Variants in CCDC73 observed in about 807,000 individuals in gnomAD.
The protein encoded by CCDC73 is coiled-coil domain containing 73.
CCDC73 carries 95 observed loss-of-function variants against 116.5 expected under a neutral mutation model. The observed-to-expected ratio is 0.82, with a 90% confidence interval of 0.69 to 0.97. The LOEUF is 0.97. Among genes scored for constraint, CCDC73 ranks in the 50% least tolerant of loss-of-function variants. The pLI is 0.00. For synonymous variants in CCDC73, 398 were observed against 401.3 expected, an observed-to-expected ratio of 0.99 and a Z score of 0.10; for missense variants, 1,066 against 1,206.8, an observed-to-expected ratio of 0.88 and a Z score of 1.73.
the CCDC73 span, among the ~76,000 whole-genome samples, chr11:32,821,978 C>T: frequency 5.3e-5 from 8 of 152,112 alleles, no homozygotes; most frequent in Non-Finnish European, 1.2e-4. Flanking sequence ...TCAGGAAACC[C>T]GAAATGTTTC....
chr11:32,614,963 T>C, intron 15 of CCDC73, 21 bp from the exon 16 acceptor site: 1 of 1,441,482 alleles, frequency 6.9e-7, no homozygotes, highest in Non-Finnish European at 9.4e-7. Context: ...GGGAACACAG[T>C]AAAATTTTAT....
the CCDC73 span, among the ~76,000 whole-genome samples, chr11:32,807,879 G>A: frequency 4.6e-5 from 7 of 152,132 alleles, no homozygotes; most frequent in African/African-American, 1.2e-4. Context: ...CACCCTGACC[G>A]AGCATAATCA....
chr11:32,634,492 C>T (rs1855660778), intron 14 of CCDC73, among the ~76,000 whole-genome samples: 1 of 151,984 alleles, frequency 6.6e-6, no homozygotes, highest in African/African-American at 2.4e-5. Flanking sequence ...CTCAGCAAAC[C>T]AGATATGAAA....
chr11:32,676,197 A>G (rs1373813768), intron 7 of CCDC73, among the ~76,000 whole-genome samples, 176 bp from the exon 8 acceptor site: 1 of 152,214 alleles, frequency 6.6e-6, no homozygotes, highest in Admixed American at 6.5e-5. Flanking sequence ...GTTAGGAGAT[A>G]TTTCTAAATC....
At chr11:32,636,900 C>G (rs1040008110) in intron 13 of CCDC73, among the ~76,000 whole-genome samples, 4 of 151,878 alleles carry the variant, frequency 2.6e-5, no homozygotes, top group Non-Finnish European at 5.9e-5. Context: ...TCTTCCTATT[C>G]TCAATCTCTC....
chr11:32,635,405 T>C (rs1855668465), intron 14 of CCDC73, among the ~76,000 whole-genome samples: 1 of 152,112 alleles, frequency 6.6e-6, no homozygotes, highest in African/African-American at 2.4e-5. Context: ...AATAGACCCA[T>C]ATATATTTGA....
chr11:32,806,642 A>AAG, the CCDC73 span, among the ~76,000 whole-genome samples: 6 of 151,536 alleles, frequency 4.0e-5, no homozygotes, highest in Admixed American at 2.0e-4. Flanking sequence ...AAAAAAAAAA[A>AAG]AAAGAAAGAA....
At chr11:32,670,987 AG>A (rs1856032978) in intron 9 of CCDC73, among the ~76,000 whole-genome samples, 1 of 152,218 alleles carries the variant, frequency 6.6e-6, no homozygotes, top group Non-Finnish European at 1.5e-5. Flanking sequence ...CCTCAGGAAA[AG>A]ATCTTCCACT....
chr11:32,711,637 A>G (rs1313599021), intron 3 of CCDC73, among the ~76,000 whole-genome samples: 1 of 152,212 alleles, frequency 6.6e-6, no homozygotes, highest in Non-Finnish European at 1.5e-5. Context: ...GGTGAGGGAT[A>G]AAAGAATACA....
chr11:32,652,692 T>C (rs1855837020), intron 12 of CCDC73, among the ~76,000 whole-genome samples: 1 of 152,184 alleles, frequency 6.6e-6, no homozygotes, highest in African/African-American at 2.4e-5. Context: ...GTGTTTGTTG[T>C]GGTAACAGCG....
At chr11:32,688,193 C>A (rs558773184) in intron 6 of CCDC73, among the ~76,000 whole-genome samples, 1 of 152,140 alleles carries the variant, frequency 6.6e-6, no homozygotes, top group Admixed American at 6.5e-5. Flanking sequence ...GTCAAATTAT[C>A]AGAGTGAACA....
At chr11:32,628,366 C>T (rs1432695116) in intron 14 of CCDC73, among the ~76,000 whole-genome samples, 1 of 152,184 alleles carries the variant, frequency 6.6e-6, no homozygotes, top group Non-Finnish European at 1.5e-5. Flanking sequence ...AGGCAATGTA[C>T]TGAAGATGAA....
intron 2 of CCDC73, 64 bp from the exon 3 acceptor site, chr11:32,718,211 T>G (rs1181646363): frequency 2.7e-6 from 3 of 1,115,796 alleles, no homozygotes; most frequent in African/African-American, 3.1e-5. Context: ...CAGTTTCAGC[T>G]CTTTCTGGAG....
intron 1 of CCDC73, among the ~76,000 whole-genome samples, chr11:32,776,986 CATGTAT>C (rs1437214165): frequency 0.024 from 2,304 of 95,718 alleles, 36 homozygotes; most frequent in African/African-American, 0.06. Flanking sequence ...TATATATACA[CATGTAT>C]ATATATATAT....
chr11:32,683,084 T>C (rs1856162893), intron 7 of CCDC73: 1 of 168,034 alleles, frequency 6.0e-6, no homozygotes, highest in Non-Finnish European at 1.3e-5. Flanking sequence ...ATTTTAAACA[T>C]ATAGGTTGAA....
intron 9 of CCDC73, among the ~76,000 whole-genome samples, chr11:32,659,832 T>C (rs1855906181): frequency 6.6e-6 from 1 of 152,200 alleles, no homozygotes; most frequent in African/African-American, 2.4e-5. Flanking sequence ...CTTTCCATTC[T>C]TGGGCCTCTT....
chr11:32,645,517 C>T lies in CCDC73; in HGVS notation c.940-3435G>A, dbSNP rs1035567400. The stretch of plus-strand genomic sequence containing the variant: ...TGTTGGTCAAGCTGGTTTTGAACTC[C>T]GGACCTCGTGATCCGCCCGCCTTGG... On this transcript the variant is annotated intron_variant, in intron 12 of 17. Coordinates refer to ENST00000335185, the MANE Select transcript of CCDC73 (RefSeq NM_001008391.4). 2.0e-5 allele frequency among the ~76,000 whole-genome samples: 3 copies of T among 151,834 alleles called. No individual in the cohort carries two copies. In the South Asian group the frequency reaches 6.2e-4, roughly 31 times the overall value.
In CCDC73 at chr11:32,725,187, C is replaced by T. The variant is rs183104188; in HGVS notation, c.136-7040G>A. ...TTCACTTTCTGAGGTTTCAGTTACCCGCAGTCAACCATTGTCCAAAAATAG... is the reference window on the plus strand; with the variant it reads ...TTCACTTTCTGAGGTTTCAGTTACCTGCAGTCAACCATTGTCCAAAAATAG... On this transcript the variant is annotated intron_variant, in intron 2 of 17. Transcript: ENST00000335185. Among the ~76,000 whole-genome samples, 261 of 151,678 alleles carry T rather than the reference C, an allele frequency of 1.7e-3. 1 individual carries two copies. The highest frequency in any genetic ancestry group is 3.2e-3 in the Non-Finnish European group (214 of 67,876).
At chr11:32,659,355 A>C (rs1391695040) in intron 9 of CCDC73, among the ~76,000 whole-genome samples, 1 of 152,190 alleles carries the variant, frequency 6.6e-6, no homozygotes, top group African/African-American at 2.4e-5. Context: ...ATTAAGAGAA[A>C]TGTGAGATTG....
Sources: gnomAD v4.1 joint callset for allele counts (sites outside exome capture counted in the v4.1 genomes callset) on GRCh38, gnomAD v4.1.1 for gene constraint, MANE v1.5 for transcripts, NCBI Gene and HGNC (gene_info 2026-07-23, HGNC 2026-07-21) for gene names.